CDK14: variants seen among roughly 807,000 people sequenced by gnomAD.
The protein encoded by CDK14 is cyclin-dependent kinase 14.
A neutral mutation model predicts 60.7 loss-of-function variants in CDK14; 34 were observed. That is an observed-to-expected ratio of 0.56 (90% CI 0.43 to 0.75). CDK14 has a LOEUF of 0.75. Among genes scored for constraint, CDK14 ranks in the 30% least tolerant of loss-of-function variants. The pLI is 0.00. For missense variants in CDK14, 482 were observed against 564.1 expected (o/e 0.85, Z 1.47); for synonymous variants, 197 against 203.7 (o/e 0.97, Z 0.28).
chr7:90,905,529 C>A (rs1241643729), intron 7 of CDK14, among the ~76,000 whole-genome samples: 1 of 151,978 alleles, frequency 6.6e-6, no homozygotes, highest in Non-Finnish European at 1.5e-5. Context: ...TAAAACAAAA[C>A]AAAACAAAAA....
At chr7:90,797,805 G>C (rs1056542737) in intron 5 of CDK14, among the ~76,000 whole-genome samples, 1 of 151,822 alleles carries the variant, frequency 6.6e-6, no homozygotes, top group Non-Finnish European at 1.5e-5. Context: ...TTTCATGACA[G>C]CTCACTGACT....
chr7:90,612,876 G>A (rs546474327), intron 2 of CDK14, among the ~76,000 whole-genome samples: 1 of 151,702 alleles, frequency 6.6e-6, no homozygotes, highest in African/African-American at 2.4e-5. Context: ...TTCCATGCAA[G>A]AGGTCTAAAA....
intron 2 of CDK14, among the ~76,000 whole-genome samples, chr7:90,672,001 A>G (rs1801106659): frequency 6.6e-6 from 1 of 152,144 alleles, no homozygotes; most frequent in Non-Finnish European, 1.5e-5. Context: ...CGCAGTAGTG[A>G]ATGTAATTTA....
At chr7:90,926,072 C>T (rs1793406878) in intron 8 of CDK14, among the ~76,000 whole-genome samples, 1 of 151,974 alleles carries the variant, frequency 6.6e-6, no homozygotes, top group Admixed American at 6.6e-5. Flanking sequence ...ATTATTATTC[C>T]TAATATTATT....
At chr7:91,102,390 C>T (rs1195552224) in intron 12 of CDK14, among the ~76,000 whole-genome samples, 1 of 152,112 alleles carries the variant, frequency 6.6e-6, no homozygotes, top group Non-Finnish European at 1.5e-5. Flanking sequence ...CCCATTTAAG[C>T]TTTTTATATG....
intron 9 of CDK14, among the ~76,000 whole-genome samples, chr7:90,966,342 C>A (rs1017736560): frequency 6.6e-6 from 1 of 152,116 alleles, no homozygotes; most frequent in Non-Finnish European, 1.5e-5. Flanking sequence ...ATACATTAAG[C>A]ACTATAAATC....
chr7:91,075,923 G>C (rs1015584278), intron 11 of CDK14, among the ~76,000 whole-genome samples: 1 of 151,828 alleles, frequency 6.6e-6, no homozygotes, highest in Non-Finnish European at 1.5e-5. Context: ...GATGTGAAGG[G>C]CCTCTTCAAG....
At chr7:90,774,487 A>G (rs992565718) in intron 4 of CDK14, among the ~76,000 whole-genome samples, 9 of 152,112 alleles carry the variant, frequency 5.9e-5, no homozygotes, top group African/African-American at 1.9e-4. Flanking sequence ...CTTTTTTGTC[A>G]TAAAAGCCTT....
At position 90,725,238 on chromosome 7, in the gene CDK14, G is replaced by A. The variant is rs568628252; in HGVS notation, c.124-1329G>A. ...TTCACACAAGAGTGTACCAAAAATT[G>A]CTAATCTTGCCCGTTCAATTCCACA... On this transcript the variant is annotated intron_variant, in intron 2 of 14. Coordinates refer to ENST00000380050, the MANE Select transcript of CDK14 (RefSeq NM_001287135.2). Among the ~76,000 whole-genome samples the A allele has an allele frequency of 7.9e-5, 12 of 152,232 alleles. No homozygotes were observed. The South Asian group carries it at 2.1e-3, about 26-fold the overall frequency.
chr7:91,204,475 A>G (rs1455789717), intron 14 of CDK14, among the ~76,000 whole-genome samples: 1 of 152,254 alleles, frequency 6.6e-6, no homozygotes, highest in Non-Finnish European at 1.5e-5. Flanking sequence ...GACACAGTTA[A>G]CAGAGTGAAA....
intron 2 of CDK14, among the ~76,000 whole-genome samples, chr7:90,725,212 A>G (rs1802590895): frequency 6.6e-6 from 1 of 152,190 alleles, no homozygotes; most frequent in African/African-American, 2.4e-5. Context: ...TTATTATAAA[A>G]TTCACACAAG....
intron 2 of CDK14, among the ~76,000 whole-genome samples, chr7:90,699,942 A>G (rs980237786): frequency 1.3e-5 from 2 of 152,170 alleles, no homozygotes; most frequent in South Asian, 2.1e-4. Context: ...TTGTATTGTG[A>G]TAAGTAAAAC....
chr7:90,730,048 C>G (rs140572189), intron 3 of CDK14, among the ~76,000 whole-genome samples: 1 of 152,114 alleles, frequency 6.6e-6, no homozygotes, highest in African/African-American at 2.4e-5. Context: ...ATGTTCCCCT[C>G]CCTGTGTCCA....
At chr7:90,784,741 G>GT (rs1347767236) in intron 4 of CDK14, among the ~76,000 whole-genome samples, 1 of 152,124 alleles carries the variant, frequency 6.6e-6, no homozygotes, top group Admixed American at 6.6e-5. Context: ...AAGAGTAAAT[G>GT]TTAAACAGTG....
At chr7:90,642,993 T>C (rs895014002) in intron 2 of CDK14, among the ~76,000 whole-genome samples, 1 of 152,178 alleles carries the variant, frequency 6.6e-6, no homozygotes, top group African/African-American at 2.4e-5. Flanking sequence ...AGTTTCGCAC[T>C]CAGAAAAGTT....
At chr7:91,131,011 C>T (rs1800099987) in intron 14 of CDK14, among the ~76,000 whole-genome samples, 1 of 152,062 alleles carries the variant, frequency 6.6e-6, no homozygotes, top group South Asian at 2.1e-4. Context: ...AATCTGGGTG[C>T]ATTTGGGGTT....
At position 90,649,661 on chromosome 7, in the gene CDK14, C is replaced by T. The variant is rs1434593787; in HGVS notation, c.123+45412C>T. On this transcript the variant is annotated intron_variant, in intron 2 of 14. Coordinates refer to ENST00000380050, the MANE Select transcript of CDK14 (RefSeq NM_001287135.2). ...GCGAGTGATGTTCCCCGCCCTGTGT[C>T]CAAGTGTTCTCATTGTTCACTTCCC... Among the ~76,000 whole-genome samples, 4 of 151,706 alleles carry T rather than the reference C, an allele frequency of 2.6e-5. No homozygotes were observed. In the East Asian group the frequency reaches 5.9e-4, roughly 22 times the overall value.
In CDK14 at chr7:90,901,689, T is replaced by TATATAC. The variant is rs375384931; in HGVS notation, c.702+2337_702+2338insTATACA. On this transcript the variant is annotated intron_variant, in intron 7 of 14. Transcript: ENST00000380050. Reference sequence around the variant, plus strand: ...AGCTTTATATGTATATATATATATATACACACACACACACATATATATTCT... The same window carrying TATATAC: ...AGCTTTATATGTATATATATATATATATATACACACACACACACACATATATATTCT... 1.1e-3 allele frequency among the ~76,000 whole-genome samples: 163 copies of TATATAC among 150,114 alleles called. 1 individual carries two copies. The highest frequency in any genetic ancestry group is 3.4e-3 in the Middle Eastern group (1 of 292).
At chr7:90,876,342 G>T (rs1348948019) in intron 6 of CDK14, among the ~76,000 whole-genome samples, 1 of 152,172 alleles carries the variant, frequency 6.6e-6, no homozygotes, top group African/African-American at 2.4e-5. Context: ...TCCCTAACTG[G>T]TTGGATTTTC....
Sources: gnomAD v4.1 joint callset for allele counts (sites outside exome capture counted in the v4.1 genomes callset) on GRCh38, gnomAD v4.1.1 for gene constraint, MANE v1.5 for transcripts, NCBI Gene and HGNC (gene_info 2026-07-23, HGNC 2026-07-21) for gene names.